EDA: variants seen among roughly 807,000 people sequenced by gnomAD.
EDA encodes ectodysplasin A, also known as ectodysplasin-A.
Under a neutral mutation model 23.6 loss-of-function variants are expected in EDA, and 2 were observed. The observed-to-expected ratio is 0.08, with a 90% CI of 0.03 to 0.27. The LOEUF is 0.27. Ranked by LOEUF, EDA falls within the 10% of genes least tolerant of loss-of-function variation. The probability of loss-of-function intolerance (pLI) is 1.00; values close to 1 mark genes in which losing one functional copy is unlikely to be tolerated. For missense variants in EDA, 229 were observed against 324.2 expected (o/e 0.71, Z 2.26); for synonymous variants, 131 against 132.0 (o/e 0.99, Z 0.05).
At chrX:69,758,711 C>T (rs1374371828) in intron 1 of EDA, among the ~76,000 whole-genome samples, 1 of 112,103 alleles carries the variant, frequency 8.9e-6, no homozygotes, top group Non-Finnish European at 1.9e-5. Context: ...TGGCATGCGC[C>T]TGTAGTTCCA....
intron 1 of EDA, among the ~76,000 whole-genome samples, chrX:69,639,670 T>G (rs1317588622): frequency 8.9e-6 from 1 of 112,019 alleles, no homozygotes; most frequent in Non-Finnish European, 1.9e-5. Flanking sequence ...TAACCTCTTA[T>G]CCATATATGT....
At chrX:69,819,417 G>C (rs1326387222) in intron 1 of EDA, among the ~76,000 whole-genome samples, 1 of 112,092 alleles carries the variant, frequency 8.9e-6, no homozygotes, top group African/African-American at 3.2e-5. Context: ...ATTCAAATAG[G>C]AAGAGATGAA....
At chrX:69,794,512 C>T (rs1413475298) in intron 1 of EDA, among the ~76,000 whole-genome samples, 1 of 112,311 alleles carries the variant, frequency 8.9e-6, no homozygotes, top group Non-Finnish European at 1.9e-5. Context: ...GAAACAGACA[C>T]TGATACAACA....
intron 2 of EDA, 76 bp from the exon 3 acceptor site, chrX:70,023,142 C>T: frequency 1.4e-6 from 1 of 709,602 alleles, no homozygotes; most frequent in South Asian, 2.5e-5. Context: ...GGGATCCCTC[C>T]TAGTGACTAT....
chrX:69,654,570 G>A (rs1176658531), intron 1 of EDA, among the ~76,000 whole-genome samples: 1 of 111,871 alleles, frequency 8.9e-6, no homozygotes, highest in Non-Finnish European at 1.9e-5. Context: ...ACGATAGACT[G>A]GATTAAGGAA....
intron 1 of EDA, among the ~76,000 whole-genome samples, chrX:69,892,259 TG>T (rs2017944539): frequency 8.9e-6 from 1 of 112,101 alleles, no homozygotes; most frequent in Non-Finnish European, 1.9e-5. Flanking sequence ...TAAATGTCTT[TG>T]CTCTATGTAA....
intron 1 of EDA, among the ~76,000 whole-genome samples, chrX:69,836,723 C>A (rs1236198503): frequency 8.9e-6 from 1 of 112,379 alleles, no homozygotes; most frequent in Non-Finnish European, 1.9e-5. Context: ...CTTCAGCTCA[C>A]CCTCCATGGG....
At chrX:69,842,514 T>C (rs2016915961) in intron 1 of EDA, among the ~76,000 whole-genome samples, 1 of 112,069 alleles carries the variant, frequency 8.9e-6, no homozygotes, top group Non-Finnish European at 1.9e-5. Flanking sequence ...GTGCCAAAAA[T>C]ATTGGGGACC....
At chrX:69,732,336 T>C (rs1361771347) in intron 1 of EDA, among the ~76,000 whole-genome samples, 3 of 111,504 alleles carry the variant, frequency 2.7e-5, no homozygotes, top group Non-Finnish European at 5.6e-5. Flanking sequence ...CACCTATGAG[T>C]GAGTACATGC....
chrX:69,717,484 C>T (rs1038998225), intron 1 of EDA, among the ~76,000 whole-genome samples: 17 of 105,565 alleles, frequency 1.6e-4, no homozygotes, highest in South Asian at 8.4e-4. Context: ...TGATATGGTT[C>T]GGGTCTGTGT....
intron 1 of EDA, among the ~76,000 whole-genome samples, chrX:69,626,044 CTAAA>C (rs913771277): frequency 4.5e-5 from 5 of 110,576 alleles, no homozygotes; most frequent in African/African-American, 1.6e-4. Context: ...ACACAAATGG[CTAAA>C]TAAATACATG....
intron 1 of EDA, among the ~76,000 whole-genome samples, chrX:69,790,613 G>C (rs2520382): frequency 9.1e-6 from 1 of 110,105 alleles, no homozygotes; most frequent in Admixed American, 9.7e-5. Context: ...TGAATCACCT[G>C]GTAATCAACT....
At chrX:69,702,852 C>T (rs2011574120) in intron 1 of EDA, among the ~76,000 whole-genome samples, 1 of 111,110 alleles carries the variant, frequency 9.0e-6, no homozygotes, top group African/African-American at 3.3e-5. Context: ...CATTTGCGGG[C>T]CATTTGGACC....
At chrX:69,689,318 C>T (rs1338178088) in intron 1 of EDA, among the ~76,000 whole-genome samples, 1 of 90,333 alleles carries the variant, frequency 1.1e-5, no homozygotes, top group East Asian at 3.3e-4. Context: ...TTTTTTGAGA[C>T]GGAGTCTTGC....
intron 1 of EDA, among the ~76,000 whole-genome samples, chrX:69,870,684 G>A (rs950598708): frequency 9.0e-6 from 1 of 111,260 alleles, no homozygotes; most frequent in Non-Finnish European, 1.9e-5. Flanking sequence ...GCTTCATCAG[G>A]GTCCTCCCAC....
intron 2 of EDA, among the ~76,000 whole-genome samples, chrX:69,993,427 T>G (rs1227021278): frequency 8.9e-6 from 1 of 111,762 alleles, no homozygotes; most frequent in Non-Finnish European, 1.9e-5. Flanking sequence ...CTGGTCAATT[T>G]ACTGCCATGG....
intron 1 of EDA, among the ~76,000 whole-genome samples, chrX:69,668,742 A>G (rs1220114058): frequency 9.6e-6 from 1 of 104,547 alleles, no homozygotes; most frequent in African/African-American, 3.6e-5. Flanking sequence ...ACGCCCAGCT[A>G]ATTTTTGTAT....
intron 1 of EDA, among the ~76,000 whole-genome samples, chrX:69,811,679 C>A (rs990665485): frequency 2.7e-5 from 3 of 112,079 alleles, no homozygotes; most frequent in Non-Finnish European, 3.8e-5. Context: ...ATGTCAAGAC[C>A]AATGATGCCA....
rs897608472 is a variant in EDA, at chrX:69,838,839, A to C, written c.397-118188A>C. On this transcript the variant is annotated intron_variant, in intron 1 of 7. Coordinates refer to ENST00000374552, the MANE Select transcript of EDA (RefSeq NM_001399.5). ...TTCCTTAGGTGATTATTCCTTTCAA[A>C]CTGACTTTCAGATTATCAGAACTCT... Among the ~76,000 whole-genome samples the C allele has an allele frequency of 2.7e-5, 3 of 111,488 alleles. No homozygotes were observed. The Admixed American group carries it at 2.9e-4, about 11-fold the overall frequency.
Sources: allele counts gnomAD v4.1 joint callset (sites outside exome capture counted in the v4.1 genomes callset), GRCh38; gene constraint gnomAD v4.1.1; transcripts MANE v1.5; gene names NCBI Gene and HGNC (gene_info 2026-07-23, HGNC 2026-07-21).